Variants in ADAMTS20 observed in about 807,000 individuals in gnomAD.
ADAMTS20 encodes the protein ADAM metallopeptidase with thrombospondin type 1 motif 20.
In ADAMTS20, 225 loss-of-function variants were observed where a neutral mutation model predicts 260.1. That is an observed-to-expected ratio of 0.87 (90% confidence interval 0.78 to 0.97). The LOEUF (loss-of-function observed/expected upper bound fraction) is 0.97. Ranked by LOEUF, ADAMTS20 falls within the 50% of genes least tolerant of loss-of-function variation. The pLI is 0.00. For synonymous variants in ADAMTS20, 802 were observed against 769.5 expected, an observed-to-expected ratio of 1.04 and a Z score of -0.70; for missense variants, 2,400 against 2,337.7, an observed-to-expected ratio of 1.03 and a Z score of -0.55.
chr12:43,515,663 G>C (rs1942990463), intron 3 of ADAMTS20, among the ~76,000 whole-genome samples: 1 of 152,082 alleles, frequency 6.6e-6, no homozygotes, highest in Non-Finnish European at 1.5e-5. Context: ...GTAATTAAAA[G>C]ATTGTCACTA....
intron 3 of ADAMTS20, among the ~76,000 whole-genome samples, chr12:43,512,198 GATA>G (rs974722489): frequency 6.7e-6 from 1 of 149,778 alleles, no homozygotes; most frequent in Non-Finnish European, 1.5e-5. Context: ...TTTATATGAT[GATA>G]ATAATAATCA....
intron 3 of ADAMTS20, among the ~76,000 whole-genome samples, chr12:43,512,137 C>T (rs1942932414): frequency 6.6e-6 from 1 of 151,072 alleles, no homozygotes; most frequent in Admixed American, 6.6e-5. Flanking sequence ...TTAACAAAAA[C>T]CCTATGAGGT....
At chr12:43,548,137 C>T (rs994802388) in intron 2 of ADAMTS20, among the ~76,000 whole-genome samples, 13 of 151,956 alleles carry the variant, frequency 8.6e-5, no homozygotes, top group African/African-American at 3.1e-4. Context: ...TCAGGAAAAA[C>T]ATTTAATAAA....
At chr12:43,358,561 G>C (rs1006708821) in intron 37 of ADAMTS20, among the ~76,000 whole-genome samples, 2 of 151,906 alleles carry the variant, frequency 1.3e-5, no homozygotes, top group Non-Finnish European at 2.9e-5. Flanking sequence ...TAATTCGGAC[G>C]GGCGCGGTGG....
At chr12:43,415,789 T>C (rs994790169) in intron 28 of ADAMTS20, among the ~76,000 whole-genome samples, 1 of 152,208 alleles carries the variant, frequency 6.6e-6, no homozygotes, top group Non-Finnish European at 1.5e-5. Flanking sequence ...TTAGGAATAA[T>C]ATGTCTTCAA....
intron 14 of ADAMTS20, among the ~76,000 whole-genome samples, chr12:43,447,445 C>T (rs1202961491): frequency 1.3e-5 from 2 of 152,132 alleles, no homozygotes; most frequent in Non-Finnish European, 2.9e-5. Flanking sequence ...TTCAACACTC[C>T]TTCATGTTAA....
At chr12:43,503,434 A>G (rs1833846815) in intron 3 of ADAMTS20, among the ~76,000 whole-genome samples, 1 of 152,140 alleles carries the variant, frequency 6.6e-6, no homozygotes, top group South Asian at 2.1e-4. Context: ...TATTATTAAA[A>G]TAATTCATTT....
chr12:43,418,122 C>A (rs780360792), intron 28 of ADAMTS20, among the ~76,000 whole-genome samples: 5 of 152,014 alleles, frequency 3.3e-5, no homozygotes, highest in Non-Finnish European at 5.9e-5. Flanking sequence ...TTTTATATTA[C>A]CAAAAAGAGG....
rs575907651 is a variant in ADAMTS20 at position 43,438,622 on chromosome 12, G to A, written c.2593+1000C>T. On this transcript the variant is annotated intron_variant, in intron 18 of 38. Coordinates refer to ENST00000389420, the MANE Select transcript of ADAMTS20 (RefSeq NM_025003.5). ...GGCACCACAGTTCCTTTGGCACCTC[G>A]TCAGGTCAGATGGTAGACTGTTCTT... Among the ~76,000 whole-genome samples, 153 of 152,042 alleles carry A rather than the reference G, an allele frequency of 1.0e-3. 1 individual carries two copies. Among genetic ancestry groups the A allele is most frequent in the Non-Finnish European group, 1.9e-3 (132 of 68,010 alleles).
At chr12:43,370,711 T>C (rs958682788) in intron 36 of ADAMTS20, among the ~76,000 whole-genome samples, 4 of 152,236 alleles carry the variant, frequency 2.6e-5, no homozygotes, top group Non-Finnish European at 5.9e-5. Flanking sequence ...GCATTATCTT[T>C]TTCTCCAAAT....
intron 37 of ADAMTS20, among the ~76,000 whole-genome samples, chr12:43,360,210 A>G (rs1939837312): frequency 6.6e-6 from 1 of 152,188 alleles, no homozygotes; most frequent in African/African-American, 2.4e-5. Context: ...GCACTTTGGG[A>G]GGCTGAGGTG....
At chr12:43,391,747 T>C (rs1940601464) in intron 29 of ADAMTS20, among the ~76,000 whole-genome samples, 1 of 152,092 alleles carries the variant, frequency 6.6e-6, no homozygotes, top group Non-Finnish European at 1.5e-5. Flanking sequence ...AATTTCCTTT[T>C]CACAACAGTA....
At chr12:43,361,927 C>T (rs1939876665) in intron 37 of ADAMTS20, among the ~76,000 whole-genome samples, 1 of 152,110 alleles carries the variant, frequency 6.6e-6, no homozygotes, top group African/African-American at 2.4e-5. Context: ...TCTCATTGAC[C>T]AGACCTTTCC....
At chr12:43,440,646 G>T (rs1388887540) in intron 16 of ADAMTS20, among the ~76,000 whole-genome samples, 1 of 152,140 alleles carries the variant, frequency 6.6e-6, no homozygotes, top group Admixed American at 6.5e-5. Context: ...CTTTCATGAT[G>T]TATGTAGCTT....
Position 43,427,471 on chromosome 12 carries a change from T to C in ADAMTS20, c.3946-2A>G, listed in dbSNP as rs781252714. 6.2e-7 allele frequency: 1 copy of C among 1,602,636 alleles called. No homozygotes were observed. Among genetic ancestry groups the C allele is most frequent in the South Asian group, 1.1e-5 (1 of 88,794 alleles). On this transcript the variant is annotated splice_acceptor_variant, in intron 26 of 38. Coordinates refer to ENST00000389420, the MANE Select transcript of ADAMTS20 (RefSeq NM_025003.5). LOFTEE classifies it high-confidence loss of function. ...ACCTCCAGAACAACTGCTGGAGCAC[T>C]GACAAGAATAAAACACAAAATATGC...
At chr12:43,383,489 T>G in intron 31 of ADAMTS20, 69 bp downstream of exon 31, 1 of 1,465,516 alleles carries the variant, frequency 6.8e-7, no homozygotes, top group Non-Finnish European at 9.2e-7. Context: ...CAGTTTCAGC[T>G]GTGTCAAATT....
In ADAMTS20 at chr12:43,444,768, A is replaced by G. The variant is rs530856121; in HGVS notation, c.2198-885T>C. Among the ~76,000 whole-genome samples the G allele has an allele frequency of 2.0e-5, 3 of 152,262 alleles. No individual in the cohort carries two copies. The South Asian group carries it at 6.2e-4, about 32-fold the overall frequency. On this transcript the variant is annotated intron_variant, in intron 15 of 38. Coordinates refer to ENST00000389420, the MANE Select transcript of ADAMTS20 (RefSeq NM_025003.5). Reference sequence around the variant, plus strand: ...TCCTAGTTAACTGCACCATGAGTAAAAAGTAATTTTTCTCATACACTACCT... The same window carrying G: ...TCCTAGTTAACTGCACCATGAGTAAGAAGTAATTTTTCTCATACACTACCT...
chr12:43,504,544 T>C (rs559785192), intron 3 of ADAMTS20, among the ~76,000 whole-genome samples: 1 of 152,202 alleles, frequency 6.6e-6, no homozygotes, highest in Non-Finnish European at 1.5e-5. Context: ...AAAATATCCA[T>C]GACCAATTAC....
chr12:43,501,475 G>GCACACACACACACACACACACA (rs1353322850), intron 4 of ADAMTS20, among the ~76,000 whole-genome samples: 3 of 59,074 alleles, frequency 5.1e-5, no homozygotes, highest in African/African-American at 1.5e-4. Flanking sequence ...GCGCGCGCGC[G>GCACACACACACACACACACACA]CGCGCGCACA....
Sources: gnomAD v4.1 joint callset for allele counts (sites outside exome capture counted in the v4.1 genomes callset) on GRCh38, gnomAD v4.1.1 for gene constraint, MANE v1.5 for transcripts, NCBI Gene and HGNC (gene_info 2026-07-23, HGNC 2026-07-21) for gene names.